Variants in PMEPA1 observed in about 807,000 individuals in gnomAD.
The protein encoded by PMEPA1 is protein TMEPAI.
Under a neutral mutation model 23.0 loss-of-function variants are expected in PMEPA1, and 11 were observed. That is an observed-to-expected ratio of 0.48 (90% CI 0.30 to 0.79). The LOEUF is 0.79. Among genes scored for constraint, PMEPA1 ranks in the 30% least tolerant of loss-of-function variants. The probability of loss-of-function intolerance (pLI) is 0.06; values close to 1 mark genes in which losing one functional copy is unlikely to be tolerated. For missense variants in PMEPA1, 377 were observed against 390.9 expected, an observed-to-expected ratio of 0.96 and a Z score of 0.30; for synonymous variants, 204 against 166.4, an observed-to-expected ratio of 1.23 and a Z score of -1.74.
In PMEPA1 at chr20:57,660,927, C is replaced by T. The variant is rs979401250; in HGVS notation, c.110-1230G>A. 4.7e-4 allele frequency among the ~76,000 whole-genome samples: 72 copies of T among 152,192 alleles called. 1 individual carries two copies. The highest frequency in any genetic ancestry group is 1.5e-3 in the African/African-American group (63 of 41,446). ...TCCCACACCCAAGTCAACATCCCAA[C>T]ACACACTTCCCAACAGACACAAACA... On this transcript the variant is annotated intron_variant, in intron 1 of 3. Transcript: ENST00000341744.
chr20:57,667,198 G>T (rs1224559531), intron 1 of PMEPA1, among the ~76,000 whole-genome samples: 1 of 152,144 alleles, frequency 6.6e-6, no homozygotes, highest in Non-Finnish European at 1.5e-5. Context: ...GCTCAGGTAA[G>T]GCAAAGACAC....
chr20:57,710,133 G>T, upstream of PMEPA1: 2 of 739,592 alleles, frequency 2.7e-6, no homozygotes, highest in South Asian at 6.5e-5. Flanking sequence ...GGGGCGGGGT[G>T]ACGGGAAACG....
intron 1 of PMEPA1, among the ~76,000 whole-genome samples, chr20:57,688,413 C>T (rs528501315): frequency 1.2e-4 from 19 of 152,234 alleles, no homozygotes; most frequent in Non-Finnish European, 1.0e-4. Context: ...ACCTACTAGA[C>T]GCCTACGGGG....
intron 2 of PMEPA1, among the ~76,000 whole-genome samples, chr20:57,658,429 A>G (rs2071357982): frequency 6.6e-6 from 1 of 151,740 alleles, no homozygotes; most frequent in South Asian, 2.1e-4. Context: ...CATCCAACTC[A>G]CCAGCAGCAC....
At chr20:57,710,260 C>A (rs575637685), upstream of PMEPA1, 2 of 596,284 alleles carry the variant, frequency 3.4e-6, no homozygotes, top group South Asian at 3.2e-5. Flanking sequence ...GCCTGCCCGG[C>A]GCACGCCCGG....
rs747318732 is a variant in PMEPA1, at chr20:57,656,097, G to A, written c.265-3011C>T. Among the ~76,000 whole-genome samples, 2 of 151,938 alleles carry A rather than the reference G, an allele frequency of 1.3e-5. No homozygotes were observed. Among genetic ancestry groups the A allele is most frequent in the African/African-American group, 2.4e-5 (1 of 41,406 alleles). ...AGTCCCCAGGAACATCCAAGGGGACGGGATGGCCTTCTATCAAACTTCGAG... is the reference window on the plus strand; with the variant it reads ...AGTCCCCAGGAACATCCAAGGGGACAGGATGGCCTTCTATCAAACTTCGAG... On this transcript the variant is annotated intron_variant, in intron 2 of 3. Transcript: ENST00000341744. The surrounding 1 kb of genome is among the most constrained non-coding windows in gnomAD (Gnocchi z 4.7).
intron 1 of PMEPA1, among the ~76,000 whole-genome samples, chr20:57,661,504 A>G (rs561003351): frequency 5.8e-4 from 89 of 152,270 alleles, no homozygotes; most frequent in African/African-American, 1.9e-3. Flanking sequence ...GCTCCCTGGC[A>G]CTAACAAGCA....
intron 3 of PMEPA1, 25 bp downstream of exon 3, chr20:57,653,008 G>T (rs1266520972): frequency 6.3e-7 from 1 of 1,583,666 alleles, no homozygotes; most frequent in Non-Finnish European, 8.6e-7. Context: ...GGGGGTGTTG[G>T]AGGGGAGGCC....
intron 1 of PMEPA1, among the ~76,000 whole-genome samples, chr20:57,678,630 C>A (rs2071670950): frequency 6.6e-6 from 1 of 152,224 alleles, no homozygotes; most frequent in Admixed American, 6.5e-5. Flanking sequence ...CATCTCTCGG[C>A]TGTCATCTCT....
chr20:57,709,604 CGGGGCGCGG>C lies in PMEPA1; in HGVS notation c.-31_-23del. 1.8e-6 allele frequency: 1 copy of C among 545,870 alleles called. No individual in the cohort carries two copies. 33.8% of individuals were successfully genotyped at this position (545,870 alleles called of 1,614,324 possible). A position where few individuals can be genotyped will look rare whatever the true frequency, so the allele number is the denominator to read the frequency against. Reference sequence around the variant, plus strand: ...GCATGGACGGCGCGGCGGCGCGGCGCGGGGCGCGGGGGGCTCGGGGGCGGCCGGGGGGGG... The same window carrying C: ...GCATGGACGGCGCGGCGGCGCGGCGCGGGGCTCGGGGGCGGCCGGGGGGGG... On this transcript the variant is annotated 5_prime_UTR_variant, in exon 1 of 4. Coordinates refer to ENST00000341744, the MANE Select transcript of PMEPA1 (RefSeq NM_020182.5).
At chr20:57,686,688 C>A (rs548532131) in intron 1 of PMEPA1, among the ~76,000 whole-genome samples, 2 of 152,290 alleles carry the variant, frequency 1.3e-5, no homozygotes, top group Non-Finnish European at 2.9e-5. Flanking sequence ...CTCCTTCCCC[C>A]TCTCTGGGCC....
At position 57,652,463 on chromosome 20, in the gene PMEPA1, G is replaced by C; in HGVS notation, c.454C>G (p.Leu152Val). ...GGTGGGGGCTCCTCCCCGTCTGACA[G>C]CGAGATGGTGGGTGGCAGGTCGATC... The part of the protein sequence containing the change: ...HEIDLPPTIS[L>V]SDGEEPPPYQ... The change falls in exon 4 of 4, where the codon CTG becomes GTG. Residue 152 changes from leucine to valine, a missense_variant. Leu to Val is a conservative substitution (Grantham distance 32). This residue lies in a region of PMEPA1 where 3 missense variants were observed against 21.6 expected (regional missense o/e 0.14). Coordinates refer to ENST00000341744, the MANE Select transcript of PMEPA1 (RefSeq NM_020182.5). This position sits in a 1 kb window ranked among gnomAD's most constrained non-coding sequence, Gnocchi z 6.1. The C allele has an allele frequency of 6.2e-7, 1 of 1,612,158 alleles. No individual in the cohort carries two copies. Among genetic ancestry groups the C allele is most frequent in the Non-Finnish European group, 8.5e-7 (1 of 1,178,714 alleles).
At chr20:57,668,368 C>A (rs144683066) in intron 1 of PMEPA1, among the ~76,000 whole-genome samples, 1,758 of 152,328 alleles carry the variant, frequency 0.012, 30 homozygotes, top group African/African-American at 0.039. Context: ...TCCTGGTACC[C>A]TCATCTGAGA....
In PMEPA1 at chr20:57,652,582, G is replaced by T; in HGVS notation, c.335C>A (p.Pro112Gln). ...NGIPEPQVYA[P>Q]PRPTDRLAVP... ...GGCCAGGCGGTCGGTGGGCCGAGGC[G>T]GGGCGTAGACCTGCGGCTGGAGGAA... The change falls in exon 4 of 4, where the codon CCG becomes CAG. Residue 112 changes from proline (P) to glutamine (Q), a missense_variant. Physicochemically the swap from Pro to Gln is moderately conservative, Grantham distance 76. This residue lies in a region of PMEPA1 where 198 missense variants were observed against 196.3 expected (regional missense o/e 1.01). Coordinates refer to ENST00000341744, the MANE Select transcript of PMEPA1 (RefSeq NM_020182.5). The surrounding 1 kb of genome is among the most constrained non-coding windows in gnomAD (Gnocchi z 6.1). The T allele has an allele frequency of 1.3e-6, 2 of 1,500,500 alleles. No homozygotes were observed. Among genetic ancestry groups the T allele is most frequent in the Non-Finnish European group, 1.8e-6 (2 of 1,125,032 alleles). 92.9% of individuals were successfully genotyped at this position (1,500,500 alleles called of 1,614,324 possible).
intron 1 of PMEPA1, among the ~76,000 whole-genome samples, chr20:57,706,707 T>A (rs1168861960): frequency 6.6e-6 from 1 of 152,036 alleles, no homozygotes; most frequent in Non-Finnish European, 1.5e-5. Flanking sequence ...ATTCAAGAGG[T>A]GTGGGCGTGC....
Position 57,652,530 on chromosome 20 carries a change from G to A in PMEPA1, c.387C>T (p.Arg129=), listed in dbSNP as rs1338843562. ...GATAGGTGGGCTGGAAGCGGTGGAAGCGCTCCCGCTGGGCGAAGGGCGGCA... is the reference window on the plus strand; with the variant it reads ...GATAGGTGGGCTGGAAGCGGTGGAAACGCTCCCGCTGGGCGAAGGGCGGCA... ...LAVPPFAQRE[R]FHRFQPTYPY... Residue 129 remains arginine (R), a synonymous_variant, in exon 4 of 4, where the codon CGC becomes CGT. Coordinates refer to ENST00000341744, the MANE Select transcript of PMEPA1 (RefSeq NM_020182.5). This position sits in a 1 kb window ranked among gnomAD's most constrained non-coding sequence, Gnocchi z 6.1. The A allele has an allele frequency of 1.9e-6, 3 of 1,564,250 alleles. No individual in the cohort carries two copies. The highest frequency in any genetic ancestry group is 2.6e-6 in the Non-Finnish European group (3 of 1,153,496).
At chr20:57,693,990 G>T (rs889601144) in intron 1 of PMEPA1, among the ~76,000 whole-genome samples, 3 of 152,210 alleles carry the variant, frequency 2.0e-5, no homozygotes, top group Non-Finnish European at 4.4e-5. Context: ...GAGGATGGGA[G>T]GTCCTTCTCT....
intron 1 of PMEPA1, among the ~76,000 whole-genome samples, chr20:57,681,650 C>T (rs947710135): frequency 6.6e-6 from 1 of 152,198 alleles, no homozygotes; most frequent in African/African-American, 2.4e-5. Context: ...CCTCCACCTC[C>T]TCCCCTGCTG....
intron 1 of PMEPA1, among the ~76,000 whole-genome samples, chr20:57,702,357 C>T (rs937195991): frequency 2.6e-5 from 4 of 152,194 alleles, no homozygotes; most frequent in Non-Finnish European, 5.9e-5. Context: ...GTCAGAGATG[C>T]ACAGAGAGCT....
Sources: allele counts gnomAD v4.1 joint callset (sites outside exome capture counted in the v4.1 genomes callset), GRCh38; gene constraint gnomAD v4.1.1; regional missense constraint gnomAD v4.1.1; non-coding constraint Gnocchi (gnomAD v3.1); transcripts MANE v1.5; gene names NCBI Gene and HGNC (gene_info 2026-07-23, HGNC 2026-07-21).